Variants in CNTNAP5 observed in about 807,000 individuals in gnomAD.
CNTNAP5 encodes contactin-associated protein-like 5.
In CNTNAP5, 72 loss-of-function variants were observed where a neutral mutation model predicts 150.2. That is an observed-to-expected ratio of 0.48 (90% CI 0.40 to 0.58). The LOEUF (loss-of-function observed/expected upper bound fraction) is 0.58. CNTNAP5 is among the 20% of genes least tolerant of loss of function. The pLI, the probability that CNTNAP5 is intolerant of heterozygous loss-of-function variation, is 0.00. For missense variants in CNTNAP5, 1,636 were observed against 1,626.2 expected (o/e 1.01, Z -0.10); for synonymous variants, 672 against 619.8 (o/e 1.08, Z -1.25).
rs373096459 is a variant in CNTNAP5 at position 124,025,608 on chromosome 2, C to A, written c.-43C>A. 4.2e-5 allele frequency: 67 copies of A among 1,586,268 alleles called. No individual in the cohort carries two copies. The highest frequency in any genetic ancestry group is 5.3e-5 in the Non-Finnish European group (61 of 1,155,084). On this transcript the variant is annotated 5_prime_UTR_variant, in exon 1 of 24. Coordinates refer to ENST00000682447, the MANE Select transcript of CNTNAP5 (RefSeq NM_001367498.1). ...GAGAAGAAGCCGCGGCTGGCTACTG[C>A]GAATTTGGGATTCGATTGGGAGGGA...
At chr2:124,357,071 T>C in intron 3 of CNTNAP5, among the ~76,000 whole-genome samples, 1 of 152,226 alleles carries the variant, frequency 6.6e-6, no homozygotes. Context: ...TGATGAGCAT[T>C]TTTTCATGTG....
intron 13 of CNTNAP5, among the ~76,000 whole-genome samples, chr2:124,712,676 T>C (rs1483502883): frequency 1.3e-5 from 2 of 152,138 alleles, no homozygotes; most frequent in Admixed American, 1.3e-4. Flanking sequence ...GAGGGCTCTC[T>C]TTCTGGTTCA....
intron 3 of CNTNAP5, among the ~76,000 whole-genome samples, chr2:124,347,950 G>A (rs901435403): frequency 4.0e-5 from 6 of 151,668 alleles, no homozygotes; most frequent in African/African-American, 9.7e-5. Flanking sequence ...TCAGCCTCCC[G>A]AGTAGCTGGG....
intron 1 of CNTNAP5, among the ~76,000 whole-genome samples, chr2:124,148,637 A>G (rs1006324519): frequency 2.0e-5 from 3 of 149,202 alleles, no homozygotes; most frequent in Non-Finnish European, 4.4e-5. Context: ...GATAATGCTC[A>G]TTTATCTCAT....
At chr2:124,129,533 C>G (rs1234466956) in intron 1 of CNTNAP5, among the ~76,000 whole-genome samples, 1 of 152,116 alleles carries the variant, frequency 6.6e-6, no homozygotes, top group Non-Finnish European at 1.5e-5. Flanking sequence ...AAAAAAACTA[C>G]AAGAAGACAA....
intron 1 of CNTNAP5, among the ~76,000 whole-genome samples, chr2:124,060,904 A>G (rs1416723518): frequency 6.6e-6 from 1 of 152,188 alleles, no homozygotes; most frequent in Admixed American, 6.5e-5. Flanking sequence ...TTATGACAGA[A>G]AAAACATGCA....
chr2:124,703,701 G>C (rs1305485581), intron 13 of CNTNAP5, among the ~76,000 whole-genome samples: 1 of 152,166 alleles, frequency 6.6e-6, no homozygotes, highest in African/African-American at 2.4e-5. Context: ...GCAAAGGGAG[G>C]CTTTAAGACA....
In CNTNAP5 at chr2:124,551,777, G is replaced by A. The variant is rs1020248965; in HGVS notation, c.1650-11440G>A. Among the ~76,000 whole-genome samples the A allele has an allele frequency of 1.3e-4, 20 of 152,298 alleles. 1 individual carries two copies. Among genetic ancestry groups the A allele is most frequent in the African/African-American group, 4.3e-4 (18 of 41,562 alleles). On this transcript the variant is annotated intron_variant, in intron 10 of 23. Coordinates refer to ENST00000682447, the MANE Select transcript of CNTNAP5 (RefSeq NM_001367498.1). ...GAATTTCAAAGGCCTGTCATTTGGT[G>A]TCCTATTCATTTCAGTCTGTTATGG...
intron 10 of CNTNAP5, among the ~76,000 whole-genome samples, chr2:124,540,684 A>ATTCG (rs755744292): frequency 1.7e-4 from 26 of 151,834 alleles, no homozygotes; most frequent in Non-Finnish European, 3.2e-4. Context: ...TGAATCATTC[A>ATTCG]TTCATTCATT....
intron 1 of CNTNAP5, among the ~76,000 whole-genome samples, chr2:124,116,253 G>T (rs540498767): frequency 6.6e-6 from 1 of 152,150 alleles, no homozygotes; most frequent in Non-Finnish European, 1.5e-5. Context: ...GTGGGTACCA[G>T]GTGTTCAAAC....
chr2:124,137,778 T>C (rs1274693275), intron 1 of CNTNAP5, among the ~76,000 whole-genome samples: 2 of 152,072 alleles, frequency 1.3e-5, no homozygotes, highest in Non-Finnish European at 1.5e-5. Context: ...GATGTGAACA[T>C]GTGGAGAAGT....
chr2:124,775,781 C>T (rs1681308995), intron 17 of CNTNAP5, among the ~76,000 whole-genome samples: 1 of 152,202 alleles, frequency 6.6e-6, no homozygotes, highest in African/African-American at 2.4e-5. Flanking sequence ...CTCTTCACAA[C>T]ATGCAGCTTC....
intron 13 of CNTNAP5, among the ~76,000 whole-genome samples, chr2:124,654,856 G>A (rs924944204): frequency 2.0e-5 from 3 of 151,220 alleles, no homozygotes; most frequent in African/African-American, 7.3e-5. Flanking sequence ...TTCCACACCA[G>A]AATTAAAACC....
chr2:124,679,320 G>C (rs1025609150), intron 13 of CNTNAP5, among the ~76,000 whole-genome samples: 1 of 151,816 alleles, frequency 6.6e-6, no homozygotes, highest in African/African-American at 2.4e-5. Context: ...TTAATAGGAG[G>C]ATCTGGCTAT....
At chr2:124,587,674 T>G (rs1696568175) in intron 11 of CNTNAP5, among the ~76,000 whole-genome samples, 1 of 152,196 alleles carries the variant, frequency 6.6e-6, no homozygotes, top group African/African-American at 2.4e-5. Flanking sequence ...CAGAAAGGTC[T>G]CTCAGAAGGC....
chr2:124,125,638 T>G (rs879135643), intron 1 of CNTNAP5, among the ~76,000 whole-genome samples: 2 of 152,112 alleles, frequency 1.3e-5, no homozygotes, highest in Non-Finnish European at 2.9e-5. Context: ...TCACACTTAT[T>G]CCAAAATTGA....
chr2:124,265,890 A>G (rs1309012891), intron 3 of CNTNAP5, among the ~76,000 whole-genome samples: 2 of 152,228 alleles, frequency 1.3e-5, no homozygotes, highest in South Asian at 2.1e-4. Context: ...CAAACCTCCA[A>G]GCGGATAATT....
At chr2:124,761,745 CT>C (rs1463035809) in intron 14 of CNTNAP5, among the ~76,000 whole-genome samples, 7 of 152,082 alleles carry the variant, frequency 4.6e-5, no homozygotes, top group Non-Finnish European at 1.0e-4. Flanking sequence ...GAGCAATTTA[CT>C]TTAAGTTTTC....
At chr2:124,514,005 C>T (rs766515364) in intron 8 of CNTNAP5, among the ~76,000 whole-genome samples, 1 of 152,130 alleles carries the variant, frequency 6.6e-6, no homozygotes, top group African/African-American at 2.4e-5. Context: ...ATTAATGCCT[C>T]GGTATTTGAG....
Sources: allele counts gnomAD v4.1 joint callset (sites outside exome capture counted in the v4.1 genomes callset), GRCh38; gene constraint gnomAD v4.1.1; transcripts MANE v1.5; gene names NCBI Gene and HGNC (gene_info 2026-07-23, HGNC 2026-07-21).